The following KALRN variants were observed in gnomAD, a reference collection of about 807,000 sequenced individuals.
The protein encoded by KALRN is kalirin RhoGEF kinase.
Under a neutral mutation model 353.7 loss-of-function variants are expected in KALRN, and 70 were observed. The ratio of observed to expected loss-of-function variants is 0.20; its 90% CI spans 0.16 to 0.24. The LOEUF (loss-of-function observed/expected upper bound fraction) is 0.24, where lower values mean the gene tolerates loss of function less well. Ranked by LOEUF, KALRN falls within the 10% of genes least tolerant of loss-of-function variation. The probability of loss-of-function intolerance (pLI) is 1.00; values close to 1 mark genes in which losing one functional copy is unlikely to be tolerated. For synonymous variants in KALRN, 1,391 were observed against 1,434.8 expected, an observed-to-expected ratio of 0.97 and a Z score of 0.69; for missense variants, 2,791 against 3,756.7, an observed-to-expected ratio of 0.74 and a Z score of 6.72.
chr3:124,329,911 G>C lies in KALRN; in HGVS notation c.1335G>C (p.Leu445=). 1 of 1,613,832 alleles carries C rather than the reference G, an allele frequency of 6.2e-7. No individual in the cohort carries two copies. Among genetic ancestry groups the C allele is most frequent in the Non-Finnish European group, 8.5e-7 (1 of 1,179,904 alleles). ...AWCKMCSEGG[L]PSEMQDLELA... ...GCAAGATGTGCAGTGAAGGTGGTCT[G>C]CCATCCGAGATGCAAGACCTAGAGC... is the stretch of plus-strand genomic sequence containing the variant. Residue 445 remains leucine (L), a synonymous_variant, in exon 8 of 60, where the codon CTG becomes CTC. Coordinates refer to ENST00000682506, the MANE Select transcript of KALRN (RefSeq NM_001388419.1).
chr3:124,498,835 A>G (rs1359052588), intron 33 of KALRN, among the ~76,000 whole-genome samples: 1 of 151,958 alleles, frequency 6.6e-6, no homozygotes, highest in African/African-American at 2.4e-5. Flanking sequence ...TAAATCACTC[A>G]TTGGTATGTT....
chr3:124,268,195 G>T (rs540310336), intron 4 of KALRN, among the ~76,000 whole-genome samples: 6 of 152,220 alleles, frequency 3.9e-5, no homozygotes, highest in African/African-American at 1.4e-4. Context: ...AACCAAGGGC[G>T]CAGACTCCCC....
intron 33 of KALRN, chr3:124,518,926 T>A: frequency 1.0e-6 from 1 of 1,001,762 alleles, no homozygotes; most frequent in Non-Finnish European, 1.2e-6. Flanking sequence ...GAAAAACCCA[T>A]CATTCTAATC....
At chr3:124,351,490 G>A (rs970071488) in intron 10 of KALRN, among the ~76,000 whole-genome samples, 1 of 152,146 alleles carries the variant, frequency 6.6e-6, no homozygotes, top group Non-Finnish European at 1.5e-5. Flanking sequence ...AAATTGTCTT[G>A]AATCAAAGCA....
intron 49 of KALRN, among the ~76,000 whole-genome samples, chr3:124,676,760 A>G (rs3772789): frequency 0.16 from 24,078 of 152,170 alleles, 2,405 homozygotes; most frequent in Middle Eastern, 0.28. Context: ...AGCCAGGGAC[A>G]TGGGTTTGGG....
intron 10 of KALRN, among the ~76,000 whole-genome samples, chr3:124,366,699 C>T (rs970742440): frequency 2.0e-5 from 3 of 152,138 alleles, no homozygotes; most frequent in Non-Finnish European, 2.9e-5. Context: ...CATCCTGGCC[C>T]GTTCTCAATG....
intron 10 of KALRN, among the ~76,000 whole-genome samples, chr3:124,377,710 GA>G (rs2086778712): frequency 6.6e-6 from 1 of 152,110 alleles, no homozygotes; most frequent in South Asian, 2.1e-4. Flanking sequence ...TACATAGTTT[GA>G]ACTTTTGTTG....
At chr3:124,307,643 C>T (rs2077833205) in intron 6 of KALRN, among the ~76,000 whole-genome samples, 1 of 151,680 alleles carries the variant, frequency 6.6e-6, no homozygotes, top group African/African-American at 2.4e-5. Context: ...TGAAAAAAAT[C>T]AATCAGTAAA....
intron 1 of KALRN, chr3:124,079,952 ACAGT>A (rs2060454170): frequency 2.3e-6 from 1 of 432,844 alleles, no homozygotes; most frequent in South Asian, 1.7e-5. Flanking sequence ...TTCAGGTTAA[ACAGT>A]CATAGTTCCA....
Position 124,534,512 on chromosome 3 carries a change from C to T in KALRN, c.4936-28331C>T, listed in dbSNP as rs182415410. Among the ~76,000 whole-genome samples, 25 of 152,206 alleles carry T rather than the reference C, an allele frequency of 1.6e-4. No homozygotes were observed. The East Asian group carries it at 2.9e-3, about 18-fold the overall frequency. Reference sequence around the variant, plus strand: ...CTATATAAGAAACCTACACATTCTGCGTGTGTATCCCAGAACTTCAAGTAA... The same window carrying T: ...CTATATAAGAAACCTACACATTCTGTGTGTGTATCCCAGAACTTCAAGTAA... On this transcript the variant is annotated intron_variant, in intron 33 of 59. Coordinates refer to ENST00000682506, the MANE Select transcript of KALRN (RefSeq NM_001388419.1).
intron 5 of KALRN, among the ~76,000 whole-genome samples, chr3:124,278,126 T>C (rs545272544): frequency 1.3e-5 from 2 of 152,002 alleles, no homozygotes; most frequent in South Asian, 2.1e-4. Context: ...TATGTGTCTC[T>C]ACTCTTACCC....
chr3:124,441,269 C>A (rs775263118), intron 18 of KALRN, among the ~76,000 whole-genome samples: 1 of 152,174 alleles, frequency 6.6e-6, no homozygotes, highest in Non-Finnish European at 1.5e-5. Flanking sequence ...ACGTAAGAGG[C>A]ATTCTGGTGG....
chr3:124,439,088 T>C (rs1196072624), intron 18 of KALRN, 51 bp downstream of exon 18: 1 of 1,561,438 alleles, frequency 6.4e-7, no homozygotes, highest in Non-Finnish European at 8.8e-7. Context: ...TTGGCCGCCT[T>C]GTTCTTTCAT....
intron 33 of KALRN, chr3:124,518,625 C>A (rs2066895394): frequency 1.3e-6 from 2 of 1,497,820 alleles, no homozygotes; most frequent in Admixed American, 4.3e-5. Context: ...AGCAAAATCT[C>A]CCCGCCTGGG....
At chr3:124,455,842 G>A (rs1239856607) in intron 22 of KALRN, among the ~76,000 whole-genome samples, 1 of 152,172 alleles carries the variant, frequency 6.6e-6, no homozygotes, top group Non-Finnish European at 1.5e-5. Context: ...CAGGGAAGAT[G>A]GACTTTTAAT....
intron 14 of KALRN, among the ~76,000 whole-genome samples, chr3:124,421,547 A>G (rs1447384559): frequency 6.6e-6 from 1 of 152,240 alleles, no homozygotes; most frequent in Non-Finnish European, 1.5e-5. Flanking sequence ...CATATTTTAC[A>G]TATGAGCAAA....
intron 10 of KALRN, among the ~76,000 whole-genome samples, chr3:124,360,806 G>T (rs1646214124): frequency 6.6e-6 from 1 of 152,186 alleles, no homozygotes; most frequent in Admixed American, 6.5e-5. Context: ...GTGGGCCTCA[G>T]GAATGTGCTT....
At chr3:124,518,731 G>C in intron 33 of KALRN, 1 of 1,389,552 alleles carries the variant, frequency 7.2e-7, no homozygotes, top group South Asian at 1.6e-5. Context: ...GGGCAGTAGG[G>C]ACCTGTGAGA....
chr3:124,171,839 G>T (rs921987965), intron 1 of KALRN, among the ~76,000 whole-genome samples: 26 of 152,196 alleles, frequency 1.7e-4, no homozygotes, highest in African/African-American at 5.8e-4. Context: ...GTTGCCTTCA[G>T]AGTCCCTGAA....
Sources: gnomAD v4.1 joint callset for allele counts (sites outside exome capture counted in the v4.1 genomes callset) on GRCh38, gnomAD v4.1.1 for gene constraint, MANE v1.5 for transcripts, NCBI Gene and HGNC (gene_info 2026-07-23, HGNC 2026-07-21) for gene names.